COL6A3: variants seen among roughly 807,000 people sequenced by gnomAD.
COL6A3 encodes the protein collagen type VI alpha 3 chain.
A neutral mutation model predicts 274.1 loss-of-function variants in COL6A3; 137 were observed. The ratio of observed to expected loss-of-function variants is 0.50; its 90% CI spans 0.44 to 0.58. The LOEUF (loss-of-function observed/expected upper bound fraction) is 0.58, where lower values mean the gene tolerates loss of function less well. Among genes scored for constraint, COL6A3 ranks in the 20% least tolerant of loss-of-function variants. The pLI is 0.00. For synonymous variants in COL6A3, 1,650 were observed against 1,650.6 expected, an observed-to-expected ratio of 1.00 and a Z score of 0.01; for missense variants, 3,950 against 4,124.9, an observed-to-expected ratio of 0.96 and a Z score of 1.16.
Position 237,381,541 on chromosome 2 carries a change from C to T in COL6A3, c.1313-42G>A, listed in dbSNP as rs112545923. Reference sequence around the variant, plus strand: ...TATAAGGCAATTAGAATGGCCTTACCAAGCACAATCAACAATGACTTTCAA... The same window carrying T: ...TATAAGGCAATTAGAATGGCCTTACTAAGCACAATCAACAATGACTTTCAA... On this transcript the variant is annotated intron_variant, in intron 4 of 43. Transcript: ENST00000295550. 7.2e-4 allele frequency: 1,038 copies of T among 1,439,546 alleles called. 7 individuals are homozygous for T. In the African/African-American group the frequency reaches 0.013, roughly 18 times the overall value. The allele number at this position is 1,439,546 out of a possible 1,614,324, so 89.2% of individuals were successfully genotyped here.
At position 237,334,661 on chromosome 2, in the gene COL6A3, T is replaced by C; in HGVS notation, c.9194A>G (p.Gln3065Arg). The C allele has an allele frequency of 6.2e-7, 1 of 1,613,706 alleles. No individual in the cohort carries two copies. The highest frequency in any genetic ancestry group is 8.5e-7 in the Non-Finnish European group (1 of 1,180,032). The part of the protein sequence containing the change: ...HVAVVCYLRS[Q>R]VRATYHGSFS... ...ACTTCCGTGGTAGGTGGCTCTGACC[T>C]GAGACCTCAGGTAGCAGACCACAGC... The change falls in exon 41 of 44, where the codon CAG becomes CGG. Residue 3065 changes from glutamine (Q) to arginine (R), a missense_variant. Physicochemically the swap from Gln to Arg is conservative, Grantham distance 43 (BLOSUM62 1). Coordinates refer to ENST00000295550, the MANE Select transcript of COL6A3 (RefSeq NM_004369.4).
In COL6A3 at chr2:237,325,608, C is replaced by T. The variant is rs138694883; in HGVS notation, c.9445G>A (p.Glu3149Lys). ...TCTTTCTGTGATCCAAATTTGTTTT[C>T]GTTTCCACCACAACCTCCATACCAG... ...RFWYGGCGGNENKFGSQKECE... is the reference protein window; with the variant it reads ...RFWYGGCGGNKNKFGSQKECE... The change falls in exon 43 of 44, where the codon GAA becomes AAA. Residue 3149 changes from glutamate (E) to lysine (K), a missense_variant. Coordinates refer to ENST00000295550, the MANE Select transcript of COL6A3 (RefSeq NM_004369.4). The T allele has an allele frequency of 1.1e-5, 18 of 1,614,024 alleles. No individual in the cohort carries two copies. Among genetic ancestry groups the T allele is most frequent in the African/African-American group, 8.0e-5 (6 of 74,916 alleles).
intron 16 of COL6A3, among the ~76,000 whole-genome samples, chr2:237,360,848 G>A (rs1374231341): frequency 6.6e-6 from 1 of 152,132 alleles, no homozygotes; most frequent in Non-Finnish European, 1.5e-5. Context: ...TACTGGGTGT[G>A]CAAATTCGGT....
chr2:237,411,861 C>A (rs2078864426), intron 1 of COL6A3, among the ~76,000 whole-genome samples: 1 of 152,174 alleles, frequency 6.6e-6, no homozygotes. Flanking sequence ...ACGCTCCCTG[C>A]CAAGCAGGGA....
chr2:237,374,563 C>G lies in COL6A3; in HGVS notation c.3528G>C (p.Gln1176His). The G allele has an allele frequency of 1.2e-6, 2 of 1,614,222 alleles. No individual in the cohort carries two copies. Among genetic ancestry groups the G allele is most frequent in the Non-Finnish European group, 1.7e-6 (2 of 1,180,040 alleles). Reference protein sequence around the residue: ...GIGNADITEMQTISFIPDFAV... With the variant: ...GIGNADITEMHTISFIPDFAV... ...CAAAGTCCGGGATGAAGGAGATGGT[C>G]TGCATCTCTGTGATGTCAGCGTTCC... The change falls in exon 8 of 44, where the codon CAG becomes CAC. Residue 1176 changes from glutamine to histidine, a missense_variant. By Grantham distance (24) the Gln-to-His change is conservative. Coordinates refer to ENST00000295550, the MANE Select transcript of COL6A3 (RefSeq NM_004369.4). This position sits in a 1 kb window ranked among gnomAD's most constrained non-coding sequence, Gnocchi z 4.8.
intron 42 of COL6A3, chr2:237,333,096 T>C: frequency 2.9e-6 from 1 of 339,328 alleles, no homozygotes; most frequent in Non-Finnish European, 5.7e-6. Context: ...TTTTATTAGA[T>C]TAAATCACTG....
In COL6A3 at chr2:237,361,775, C is replaced by T. The variant is rs767129751; in HGVS notation, c.6120G>A (p.Arg2040=). The T allele has an allele frequency of 8.1e-6, 13 of 1,614,222 alleles. No homozygotes were observed. Among genetic ancestry groups the T allele is most frequent in the Non-Finnish European group, 1.1e-5 (13 of 1,180,050 alleles). ...CGVPCKCSGQ[R]GDRGPIGSIG... ...TGCTGCCGATGGGCCCGCGGTCTCC[C>T]CTCTGCCCAGAGCACTTGCAGGGAA... is the stretch of plus-strand genomic sequence containing the variant. Residue 2040 remains arginine (R), a synonymous_variant, in exon 15 of 44, where the codon AGG becomes AGA. Coordinates refer to ENST00000295550, the MANE Select transcript of COL6A3 (RefSeq NM_004369.4). This position sits in a 1 kb window ranked among gnomAD's most constrained non-coding sequence, Gnocchi z 5.1.
chr2:237,368,905 G>C lies in COL6A3; in HGVS notation c.4558C>G (p.Leu1520Val). The change falls in exon 10 of 44, where the codon CTC becomes GTC. Residue 1520 changes from leucine to valine, a missense_variant. Coordinates refer to ENST00000295550, the MANE Select transcript of COL6A3 (RefSeq NM_004369.4). The surrounding 1 kb of genome is among the most constrained non-coding windows in gnomAD (Gnocchi z 4.4). ...GGSPLNTGKA[L>V]EFVARNLFVK... ...AAGAGGTTTCTTGCCACAAATTCGA[G>C]AGCCTTGCCAGTGTTCAGTGGGGAC... 1 of 1,614,192 alleles carries C rather than the reference G, an allele frequency of 6.2e-7. No homozygotes were observed. Among genetic ancestry groups the C allele is most frequent in the South Asian group, 1.1e-5 (1 of 91,072 alleles).
In COL6A3 at chr2:237,367,243, G is replaced by T. The variant is rs200764075; in HGVS notation, c.4944C>A (p.Ile1648=). The T allele has an allele frequency of 1.4e-5, 23 of 1,613,790 alleles. No homozygotes were observed. The highest frequency in any genetic ancestry group is 1.9e-5 in the Non-Finnish European group (23 of 1,179,850). Residue 1648 remains isoleucine, a synonymous_variant, in exon 11 of 44, where the codon ATC becomes ATA. Coordinates refer to ENST00000295550, the MANE Select transcript of COL6A3 (RefSeq NM_004369.4). ...CCTGGAAACTGTCCCTCCTGAAGTT[G>T]ATGGAACCATCCAACAGGAACACAA... is the stretch of plus-strand genomic sequence containing the variant. ...ADIVFLLDGS[I]NFRRDSFQEV...
At position 237,336,584 on chromosome 2, in the gene COL6A3, A is replaced by C. The variant is rs1700565754; in HGVS notation, c.8568-52T>G. 1.9e-6 allele frequency: 3 copies of C among 1,584,352 alleles called. No homozygotes were observed. In the African/African-American group the frequency reaches 4.0e-5, roughly 21 times the overall value. ...CTACTTTTACCTGCTATCTAAAATA[A>C]ATAAAGACATAACCCCATGAGCTAC... is the stretch of plus-strand genomic sequence containing the variant. On this transcript the variant is annotated intron_variant, in intron 39 of 43. Transcript: ENST00000295550.
At chr2:237,338,428 G>A (rs1700658231) in intron 39 of COL6A3, among the ~76,000 whole-genome samples, 1 of 152,130 alleles carries the variant, frequency 6.6e-6, no homozygotes, top group African/African-American at 2.4e-5. Flanking sequence ...ACCCAGTTGA[G>A]CCCAAACAAA....
intron 3 of COL6A3, 147 bp downstream of exon 3, chr2:237,394,440 A>G: frequency 1.0e-6 from 1 of 997,626 alleles, no homozygotes; most frequent in South Asian, 1.4e-5. Flanking sequence ...AGAATATTCC[A>G]AATCAAACCT....
At chr2:237,337,500 T>C (rs948623804) in intron 39 of COL6A3, among the ~76,000 whole-genome samples, 1 of 152,204 alleles carries the variant, frequency 6.6e-6, no homozygotes, top group Non-Finnish European at 1.5e-5. Context: ...TAAGTGGTGA[T>C]AGACAGAAGG....
In COL6A3 at chr2:237,413,061, C is replaced by T. The variant is rs1180012820; in HGVS notation, c.-31+892G>A. The stretch of plus-strand genomic sequence containing the variant: ...CATAGTAGGCCCCTTGAAACAGGTT[C>T]CCCAAACAGGCTGGCCACTGTCAGC... On this transcript the variant is annotated intron_variant, in intron 1 of 43. Transcript: ENST00000295550. The surrounding 1 kb of genome is among the most constrained non-coding windows in gnomAD (Gnocchi z 4.0). Among the ~76,000 whole-genome samples, 1 of 152,164 alleles carries T rather than the reference C, an allele frequency of 6.6e-6. No homozygotes were observed. The highest frequency in any genetic ancestry group is 1.5e-5 in the Non-Finnish European group (1 of 67,988).
intron 3 of COL6A3, 95 bp downstream of exon 3, chr2:237,394,492 C>G (rs2078375365): frequency 6.5e-7 from 1 of 1,530,348 alleles, no homozygotes; most frequent in Non-Finnish European, 9.0e-7. Context: ...CCCTGGCCCA[C>G]CCGCCATCCT....
chr2:237,345,340 C>T, intron 32 of COL6A3, 127 bp from the exon 33 acceptor site: 3 of 843,158 alleles, frequency 3.6e-6, no homozygotes, highest in Non-Finnish European at 6.1e-6. Context: ...TGTTTACAGC[C>T]TCTCCCTCTA....
At chr2:237,342,201 T>C in intron 36 of COL6A3, 40 bp from the exon 37 acceptor site, 1 of 1,488,992 alleles carries the variant, frequency 6.7e-7, no homozygotes, top group Non-Finnish European at 9.4e-7. Context: ...GGGGCGTACA[T>C]GATCAGTAAT....
Position 237,333,747 on chromosome 2 carries a change from C to T in COL6A3, c.9230-199G>A, listed in dbSNP as rs1029564314. ...CAAGTTGGATCCATGAGCTAATAAG[C>T]GACGGGAGGGGATCCCTGAACTTCT... On this transcript the variant is annotated intron_variant, in intron 41 of 43. Coordinates refer to ENST00000295550, the MANE Select transcript of COL6A3 (RefSeq NM_004369.4). 4.6e-5 allele frequency among the ~76,000 whole-genome samples: 7 copies of T among 152,282 alleles called. No homozygotes were observed. The East Asian group carries it at 7.7e-4, about 17-fold the overall frequency.
At position 237,378,735 on chromosome 2, in the gene COL6A3, C is replaced by T; in HGVS notation, c.2398G>A (p.Asp800Asn). Residue 800 changes from aspartate to asparagine, a missense_variant, in exon 6 of 44, where the codon GAT becomes AAT. Asp to Asn is a conservative substitution (Grantham distance 23). Transcript: ENST00000295550. ...AAAGCTGGCAGGGAGCTGAAATCAT[C>T]CATGAGATACACCAGGCTTGGGTTA... ...AFNPSLVYLMDDFSSLPALPQ... is the reference protein window; with the variant it reads ...AFNPSLVYLMNDFSSLPALPQ... 2 of 1,614,120 alleles carry T rather than the reference C, an allele frequency of 1.2e-6. No individual in the cohort carries two copies. The highest frequency in any genetic ancestry group is 1.7e-6 in the Non-Finnish European group (2 of 1,180,046).
Sources: gnomAD v4.1 joint callset for allele counts (sites outside exome capture counted in the v4.1 genomes callset) on GRCh38, gnomAD v4.1.1 for gene constraint, Gnocchi (gnomAD v3.1) non-coding constraint, MANE v1.5 for transcripts, NCBI Gene and HGNC (gene_info 2026-07-23, HGNC 2026-07-21) for gene names.